The following ABCD3 variants were observed in gnomAD, a reference collection of about 807,000 sequenced individuals.
The protein encoded by ABCD3 is ATP binding cassette subfamily D member 3, also known as ATP-binding cassette sub-family D member 3.
Under a neutral mutation model 105.5 loss-of-function variants are expected in ABCD3, and 41 were observed. The ratio of observed to expected loss-of-function variants is 0.39; its 90% CI spans 0.30 to 0.50. The LOEUF (loss-of-function observed/expected upper bound fraction) is 0.50. Ranked by LOEUF, ABCD3 falls within the 20% of genes least tolerant of loss-of-function variation. The pLI, the probability that ABCD3 is intolerant of heterozygous loss-of-function variation, is 0.84. For synonymous variants in ABCD3, 258 were observed against 269.0 expected, an observed-to-expected ratio of 0.96 and a Z score of 0.40; for missense variants, 622 against 806.3, an observed-to-expected ratio of 0.77 and a Z score of 2.77.
At chr1:94,402,536 A>T in the ABCD3 span, among the ~76,000 whole-genome samples, 68,570 of 151,962 alleles carry the variant, frequency 0.45, 16,203 homozygotes, top group Middle Eastern at 0.66. Context: ...ATATAATCAC[A>T]GTATAGTTAG....
chr1:94,434,298 T>A (rs1361104888), intron 1 of ABCD3, among the ~76,000 whole-genome samples: 2 of 152,232 alleles, frequency 1.3e-5, no homozygotes, highest in African/African-American at 4.8e-5. Context: ...CAGTACCTTC[T>A]TCTGGAATAC....
intron 13 of ABCD3, among the ~76,000 whole-genome samples, chr1:94,488,944 A>G (rs1387519952): frequency 6.6e-6 from 1 of 151,622 alleles, no homozygotes; most frequent in Non-Finnish European, 1.5e-5. Flanking sequence ...TGATTGACAT[A>G]TAAGAAACTG....
At chr1:94,446,053 G>GA (rs745943699) in intron 1 of ABCD3, among the ~76,000 whole-genome samples, 4 of 152,086 alleles carry the variant, frequency 2.6e-5, no homozygotes, top group Non-Finnish European at 5.9e-5. Context: ...AAAGAATGTA[G>GA]AAAAAATCAG....
At chr1:94,484,836 G>A (rs909815263) in intron 10 of ABCD3, among the ~76,000 whole-genome samples, 1 of 152,072 alleles carries the variant, frequency 6.6e-6, no homozygotes, top group Non-Finnish European at 1.5e-5. Flanking sequence ...TTGCTTAGGA[G>A]CCTTATTTAG....
chr1:94,454,159 A>G (rs1485907778), intron 1 of ABCD3, among the ~76,000 whole-genome samples: 6 of 152,122 alleles, frequency 3.9e-5, no homozygotes, highest in Admixed American at 3.9e-4. Flanking sequence ...ATGATAACGA[A>G]CTCAGAAAAC....
At chr1:94,492,138 T>A (rs1161262784) in intron 16 of ABCD3, among the ~76,000 whole-genome samples, 1 of 152,172 alleles carries the variant, frequency 6.6e-6, no homozygotes, top group Non-Finnish European at 1.5e-5. Context: ...TAAAATTAAA[T>A]AGCCACATGT....
intron 4 of ABCD3, among the ~76,000 whole-genome samples, chr1:94,469,237 C>A (rs1219014071): frequency 6.6e-6 from 1 of 152,054 alleles, no homozygotes; most frequent in African/African-American, 2.4e-5. Flanking sequence ...TTCTCAGTTT[C>A]AAGAGTGTAA....
upstream of ABCD3, among the ~76,000 whole-genome samples, chr1:94,415,268 G>A (rs933570025): frequency 1.3e-5 from 2 of 152,128 alleles, no homozygotes; most frequent in Non-Finnish European, 2.9e-5. Context: ...TGATCACCAG[G>A]GACAATCTTG....
chr1:94,414,210 G>T (rs1658961029), upstream of ABCD3, among the ~76,000 whole-genome samples: 1 of 152,168 alleles, frequency 6.6e-6, no homozygotes, highest in South Asian at 2.1e-4. Flanking sequence ...TGAGAAACTA[G>T]TAAGGAATTT....
At chr1:94,498,742 A>G in intron 17 of ABCD3, 41 bp from the exon 18 acceptor site, 3 of 1,613,372 alleles carry the variant, frequency 1.9e-6, no homozygotes, top group Non-Finnish European at 2.5e-6. Context: ...ACCACTTTGT[A>G]AATTTTACAA....
At chr1:94,463,388 G>T (rs1647971642) in intron 2 of ABCD3, among the ~76,000 whole-genome samples, 1 of 152,172 alleles carries the variant, frequency 6.6e-6, no homozygotes. Context: ...CTGACACATA[G>T]TTGGTAGTTA....
chr1:94,431,868 T>G (rs1202677369), intron 1 of ABCD3, among the ~76,000 whole-genome samples: 1 of 152,192 alleles, frequency 6.6e-6, no homozygotes, highest in Non-Finnish European at 1.5e-5. Flanking sequence ...TTAAGATATT[T>G]TCAACTGTAG....
chr1:94,387,568 A>G, the ABCD3 span, among the ~76,000 whole-genome samples: 1 of 152,092 alleles, frequency 6.6e-6, no homozygotes, highest in Non-Finnish European at 1.5e-5. Flanking sequence ...CCCTTTCACA[A>G]ACTCAATTTT....
At chr1:94,393,971 C>T in the ABCD3 span, among the ~76,000 whole-genome samples, 11 of 152,162 alleles carry the variant, frequency 7.2e-5, no homozygotes, top group African/African-American at 2.7e-4. Flanking sequence ...CTTACAGGAT[C>T]AGAGAAGGAT....
chr1:94,406,448 T>C, the ABCD3 span: 1 of 387,020 alleles, frequency 2.6e-6, no homozygotes, highest in Non-Finnish European at 5.2e-6. Flanking sequence ...CCTTTCCAGT[T>C]TTTCTCACAA....
chr1:94,476,955 G>T (rs1338267714), intron 7 of ABCD3, among the ~76,000 whole-genome samples: 5 of 138,740 alleles, frequency 3.6e-5, no homozygotes, highest in African/African-American at 1.2e-4. Context: ...GGAATGGGGG[G>T]TGTATCTATA....
intron 1 of ABCD3, among the ~76,000 whole-genome samples, chr1:94,441,281 G>C (rs1020252531): frequency 2.0e-5 from 3 of 152,094 alleles, no homozygotes; most frequent in African/African-American, 7.2e-5. Context: ...TAAAATATGA[G>C]AAATGCAAAT....
At chr1:94,406,576 T>G in the ABCD3 span, 4 of 331,548 alleles carry the variant, frequency 1.2e-5, no homozygotes, top group Admixed American at 1.1e-4. Context: ...CTATCTCAGC[T>G]CTTAGAGTAT....
chr1:94,456,795 T>TA (rs910656575), intron 1 of ABCD3, among the ~76,000 whole-genome samples: 2 of 152,174 alleles, frequency 1.3e-5, no homozygotes, highest in African/African-American at 4.8e-5. Context: ...ATATGGTAGT[T>TA]ATGTTTTAAT....
Sources: allele counts gnomAD v4.1 joint callset (sites outside exome capture counted in the v4.1 genomes callset), GRCh38; gene constraint gnomAD v4.1.1; transcripts MANE v1.5; gene names NCBI Gene and HGNC (gene_info 2026-07-23, HGNC 2026-07-21).